The following ZFYVE9 variants were observed in gnomAD, a reference collection of about 807,000 sequenced individuals.
ZFYVE9 encodes the protein zinc finger FYVE domain-containing protein 9.
Under a neutral mutation model 126.7 loss-of-function variants are expected in ZFYVE9, and 43 were observed. That is an observed-to-expected ratio of 0.34 (90% CI 0.27 to 0.44). The LOEUF is 0.44. Among genes scored for constraint, ZFYVE9 ranks in the 20% least tolerant of loss-of-function variants. ZFYVE9 has a pLI of 1.00. For missense variants in ZFYVE9, 1,476 were observed against 1,697.0 expected, an observed-to-expected ratio of 0.87 and a Z score of 2.29; for synonymous variants, 521 against 597.4, an observed-to-expected ratio of 0.87 and a Z score of 1.87.
chr1:52,214,669 GGT>G (rs58141384), intron 1 of ZFYVE9, among the ~76,000 whole-genome samples: 16 of 151,614 alleles, frequency 1.1e-4, no homozygotes, highest in Non-Finnish European at 2.2e-4. Context: ...TATATGGAGG[GGT>G]GTGTGTGTGT....
chr1:52,178,920 T>A (rs1644667983), intron 1 of ZFYVE9, among the ~76,000 whole-genome samples: 1 of 152,062 alleles, frequency 6.6e-6, no homozygotes, highest in Non-Finnish European at 1.5e-5. Context: ...TCTTCCTACC[T>A]CAACCTCCTG....
chr1:52,199,381 T>A (rs947696651), intron 1 of ZFYVE9, among the ~76,000 whole-genome samples: 1 of 152,228 alleles, frequency 6.6e-6, no homozygotes, highest in African/African-American at 2.4e-5. Flanking sequence ...ATCTTTTTAC[T>A]ATTTCTGTAG....
At chr1:52,233,505 G>C (rs1355929710) in intron 3 of ZFYVE9, among the ~76,000 whole-genome samples, 1 of 152,168 alleles carries the variant, frequency 6.6e-6, no homozygotes, top group African/African-American at 2.4e-5. Flanking sequence ...GGCACAGAGA[G>C]GTTAAGCACT....
intron 4 of ZFYVE9, among the ~76,000 whole-genome samples, chr1:52,242,072 G>T (rs761392101): frequency 3.1e-4 from 35 of 113,400 alleles, no homozygotes; most frequent in Admixed American, 1.0e-3. Context: ...AGTCTCTGTT[G>T]CCCAGGCTGG....
chr1:52,228,658 A>G (rs1298422033), intron 2 of ZFYVE9, among the ~76,000 whole-genome samples: 1 of 152,234 alleles, frequency 6.6e-6, no homozygotes, highest in Admixed American at 6.5e-5. Context: ...GAGAACAAGT[A>G]AGGGCATTCC....
rs1189675243 is a variant in ZFYVE9 at position 52,142,840 on chromosome 1, G to A, written c.-143+437G>A. ...AGAATCCCGGTTGTGGCGGGGAAAGGGGGAGGAGAGGAAGGCCAGGGTGAG... is the reference window on the plus strand; with the variant it reads ...AGAATCCCGGTTGTGGCGGGGAAAGAGGGAGGAGAGGAAGGCCAGGGTGAG... On this transcript the variant is annotated intron_variant, in intron 1 of 18. Coordinates refer to ENST00000287727, the MANE Select transcript of ZFYVE9 (RefSeq NM_004799.4). The surrounding 1 kb of genome is among the most constrained non-coding windows in gnomAD (Gnocchi z 4.5). Among the ~76,000 whole-genome samples, 1 of 152,228 alleles carries A rather than the reference G, an allele frequency of 6.6e-6. No homozygotes were observed. The highest frequency in any genetic ancestry group is 2.4e-5 in the African/African-American group (1 of 41,470).
At chr1:52,210,862 C>T (rs957040093) in intron 1 of ZFYVE9, among the ~76,000 whole-genome samples, 1 of 152,148 alleles carries the variant, frequency 6.6e-6, no homozygotes, top group Non-Finnish European at 1.5e-5. Flanking sequence ...GCCATGTTGG[C>T]CAGGTTCTTC....
intron 1 of ZFYVE9, among the ~76,000 whole-genome samples, chr1:52,182,223 C>T (rs1159146046): frequency 2.0e-5 from 3 of 152,200 alleles, no homozygotes; most frequent in Non-Finnish European, 2.9e-5. Flanking sequence ...GCCCCTCTGC[C>T]CGGCCACCAC....
chr1:52,231,579 A>G (rs1645221751), intron 2 of ZFYVE9, among the ~76,000 whole-genome samples: 1 of 152,162 alleles, frequency 6.6e-6, no homozygotes, highest in Non-Finnish European at 1.5e-5. Flanking sequence ...GTAACCTAAT[A>G]GGAGCCAATC....
intron 13 of ZFYVE9, among the ~76,000 whole-genome samples, chr1:52,311,670 C>T (rs993527509): frequency 2.6e-5 from 4 of 152,278 alleles, no homozygotes; most frequent in Admixed American, 6.5e-5. Context: ...AATCACGTGT[C>T]AAATAACTAG....
At chr1:52,186,278 CA>C (rs1434787188) in intron 1 of ZFYVE9, among the ~76,000 whole-genome samples, 1 of 150,464 alleles carries the variant, frequency 6.6e-6, no homozygotes, top group Admixed American at 6.6e-5. Context: ...AAAACAACAA[CA>C]AAAAAGCCTC....
intron 2 of ZFYVE9, among the ~76,000 whole-genome samples, chr1:52,230,757 A>G (rs940841226): frequency 6.6e-6 from 1 of 152,118 alleles, no homozygotes; most frequent in Admixed American, 6.5e-5. Flanking sequence ...TCAAATGAAG[A>G]ATGATGAACT....
chr1:52,235,533 G>A (rs973869895), intron 3 of ZFYVE9, among the ~76,000 whole-genome samples: 6 of 151,856 alleles, frequency 4.0e-5, no homozygotes, highest in Non-Finnish European at 7.4e-5. Context: ...AATCTCTACT[G>A]GTTCAAATTT....
intron 4 of ZFYVE9, among the ~76,000 whole-genome samples, chr1:52,255,863 T>A (rs926700179): frequency 3.3e-5 from 5 of 151,876 alleles, no homozygotes; most frequent in African/African-American, 9.7e-5. Context: ...TCAAAAAAAA[T>A]TTTTTTTAAT....
In ZFYVE9 at chr1:52,251,134, C is replaced by T. The variant is rs143386319; in HGVS notation, c.2178+11539C>T. On this transcript the variant is annotated intron_variant, in intron 4 of 18. Transcript: ENST00000287727. Reference sequence around the variant, plus strand: ...TCACCCAGGCTGGAGTGCAGTGGCGCGATCTTGGCTCACTGCAACCTCTGC... The same window carrying T: ...TCACCCAGGCTGGAGTGCAGTGGCGTGATCTTGGCTCACTGCAACCTCTGC... Among the ~76,000 whole-genome samples, 291 of 151,990 alleles carry T rather than the reference C, an allele frequency of 1.9e-3. 1 individual carries two copies. The highest frequency in any genetic ancestry group is 6.5e-3 in the African/African-American group (268 of 41,462).
intron 2 of ZFYVE9, among the ~76,000 whole-genome samples, chr1:52,220,786 C>T (rs1360026635): frequency 6.6e-6 from 1 of 152,030 alleles, no homozygotes; most frequent in Non-Finnish European, 1.5e-5. Flanking sequence ...AGAGAAAGGT[C>T]TACGTGGGAG....
chr1:52,155,481 G>A (rs899640006), intron 1 of ZFYVE9, among the ~76,000 whole-genome samples: 7 of 152,186 alleles, frequency 4.6e-5, no homozygotes, highest in Middle Eastern at 3.4e-3. Context: ...TGGTCCACCC[G>A]CCTCGGCCTC....
Position 52,196,217 on chromosome 1 carries a change from TCAAA to T in ZFYVE9, c.-142-20149_-142-20146del, listed in dbSNP as rs1252911646. ...ACCATATGCCATGTTACAAAAGCTC[TCAAA>T]CAGTGAGTGCTCTGTCACATATTTA... is the stretch of plus-strand genomic sequence containing the variant. On this transcript the variant is annotated intron_variant, in intron 1 of 18. Transcript: ENST00000287727. 2.6e-5 allele frequency among the ~76,000 whole-genome samples: 4 copies of T among 152,344 alleles called. No individual in the cohort carries two copies. The South Asian group carries it at 8.3e-4, about 32-fold the overall frequency.
At chr1:52,331,456 A>G (rs563453016) in intron 13 of ZFYVE9, among the ~76,000 whole-genome samples, 1 of 141,878 alleles carries the variant, frequency 7.0e-6, no homozygotes, top group Admixed American at 6.7e-5. Flanking sequence ...CTCTTAAAAA[A>G]AAAAAAAAAG....
Sources: gnomAD v4.1 joint callset for allele counts (sites outside exome capture counted in the v4.1 genomes callset) on GRCh38, gnomAD v4.1.1 for gene constraint, Gnocchi (gnomAD v3.1) non-coding constraint, MANE v1.5 for transcripts, NCBI Gene and HGNC (gene_info 2026-07-23, HGNC 2026-07-21) for gene names.